The following UTRN variants were observed in gnomAD, a reference collection of about 807,000 sequenced individuals.
UTRN encodes utrophin, also known as dystrophin-related protein 1.
A neutral mutation model predicts 463.9 loss-of-function variants in UTRN; 283 were observed. That is an observed-to-expected ratio of 0.61 (90% CI 0.55 to 0.67). The LOEUF is 0.67. Among genes scored for constraint, UTRN ranks in the 30% least tolerant of loss-of-function variants. The pLI is 0.00. For missense variants in UTRN, 3,922 were observed against 4,084.3 expected (o/e 0.96, Z 1.08); for synonymous variants, 1,442 against 1,431.5 (o/e 1.01, Z -0.17).
chr6:144,560,731 A>G (rs1799793106), intron 50 of UTRN, among the ~76,000 whole-genome samples: 1 of 152,164 alleles, frequency 6.6e-6, no homozygotes, highest in Admixed American at 6.6e-5. Context: ...ATCTAAAAAC[A>G]GCTTTGATAA....
intron 2 of UTRN, among the ~76,000 whole-genome samples, chr6:144,362,269 G>A (rs9484869): frequency 0.065 from 9,860 of 152,092 alleles, 1,069 homozygotes; most frequent in African/African-American, 0.22. Flanking sequence ...TAGGTGATGT[G>A]CCCGCCCATC....
intron 2 of UTRN, among the ~76,000 whole-genome samples, chr6:144,320,037 AGAGACGGGC>A (rs1775537334): frequency 6.6e-6 from 1 of 151,962 alleles, no homozygotes; most frequent in South Asian, 2.1e-4. Context: ...TATTTTTGGT[AGAGACGGGC>A]TTTCACCGTG....
intron 52 of UTRN, among the ~76,000 whole-genome samples, chr6:144,679,928 G>C (rs961639473): frequency 2.0e-5 from 3 of 152,146 alleles, no homozygotes; most frequent in Non-Finnish European, 4.4e-5. Context: ...CAATAGGTCA[G>C]CATTGGCCAA....
chr6:144,734,979 G>A (rs1044075714), intron 54 of UTRN, among the ~76,000 whole-genome samples: 7 of 151,740 alleles, frequency 4.6e-5, no homozygotes, highest in African/African-American at 1.7e-4. Context: ...TTTTTTCACT[G>A]CTGTATTTTG....
intron 53 of UTRN, chr6:144,708,550 T>A (rs1785326096): frequency 6.3e-6 from 2 of 319,758 alleles, no homozygotes; most frequent in South Asian, 4.4e-5. Context: ...CCTGTTTACA[T>A]GAAATTTACA....
At chr6:144,685,679 A>G (rs1782676631) in intron 52 of UTRN, among the ~76,000 whole-genome samples, 1 of 152,036 alleles carries the variant, frequency 6.6e-6, no homozygotes, top group East Asian at 1.9e-4. Context: ...GAAATGTCTA[A>G]TCATGTCATT....
At chr6:144,616,962 G>A (rs1806186224) in intron 51 of UTRN, among the ~76,000 whole-genome samples, 1 of 152,134 alleles carries the variant, frequency 6.6e-6, no homozygotes, top group African/African-American at 2.4e-5. Context: ...CTTTGCCTTT[G>A]AATCCGTGAG....
intron 71 of UTRN, 84 bp downstream of exon 71, chr6:144,836,625 G>A: frequency 1.9e-6 from 3 of 1,545,652 alleles, no homozygotes; most frequent in Non-Finnish European, 2.6e-6. Context: ...TGTCAGGAGA[G>A]GCAGAGAAGT....
intron 25 of UTRN, among the ~76,000 whole-genome samples, chr6:144,476,467 GA>G (rs1791217633): frequency 6.6e-6 from 1 of 152,112 alleles, no homozygotes; most frequent in African/African-American, 2.4e-5. Flanking sequence ...AAGAAAAAGT[GA>G]ATGGTCAAGG....
At chr6:144,311,700 A>T (rs1806285265) in intron 2 of UTRN, 2 of 152,206 alleles carry the variant, frequency 1.3e-5, no homozygotes, top group Admixed American at 1.3e-4. Flanking sequence ...GTGTTCTAGT[A>T]CCTTCTTCCT....
chr6:144,607,270 T>C (rs1804954662), intron 51 of UTRN, among the ~76,000 whole-genome samples: 1 of 152,216 alleles, frequency 6.6e-6, no homozygotes, highest in Non-Finnish European at 1.5e-5. Context: ...TGGGAGATAG[T>C]GTGTACTGTG....
chr6:144,824,572 T>TTATATA (rs71028314), intron 66 of UTRN, among the ~76,000 whole-genome samples: 1,422 of 37,598 alleles, frequency 0.038, 53 homozygotes, highest in Non-Finnish European at 0.053. Context: ...AGCATTTTAT[T>TTATATA]TATATATATA....
At chr6:144,395,689 T>C (rs990744171) in intron 2 of UTRN, among the ~76,000 whole-genome samples, 3 of 152,296 alleles carry the variant, frequency 2.0e-5, no homozygotes, top group East Asian at 1.9e-4. Flanking sequence ...TTTGGCAATA[T>C]GGTGTGGATT....
intron 2 of UTRN, among the ~76,000 whole-genome samples, chr6:144,356,030 G>A (rs1415419376): frequency 1.3e-5 from 2 of 152,174 alleles, no homozygotes; most frequent in African/African-American, 4.8e-5. Flanking sequence ...ACCAATTCTT[G>A]TGAGAATGAT....
intron 2 of UTRN, among the ~76,000 whole-genome samples, chr6:144,391,380 A>G (rs1018787575): frequency 1.3e-5 from 2 of 152,102 alleles, no homozygotes; most frequent in Non-Finnish European, 2.9e-5. Flanking sequence ...CCCAGTTCTT[A>G]TTATGTCAGT....
chr6:144,360,370 A>G (rs1242998461), intron 2 of UTRN, among the ~76,000 whole-genome samples: 1 of 151,986 alleles, frequency 6.6e-6, no homozygotes, highest in East Asian at 1.9e-4. Context: ...ACGGGGTTTC[A>G]CCATGTTGGC....
intron 51 of UTRN, among the ~76,000 whole-genome samples, chr6:144,632,042 T>C (rs1467397166): frequency 1.3e-5 from 2 of 152,170 alleles, no homozygotes; most frequent in Admixed American, 6.5e-5. Context: ...TGTAAAGACA[T>C]TTATTAGAAC....
intron 51 of UTRN, among the ~76,000 whole-genome samples, chr6:144,657,302 A>G (rs1779419964): frequency 1.3e-5 from 2 of 151,872 alleles, no homozygotes; most frequent in South Asian, 2.1e-4. Flanking sequence ...AGATTTGTCA[A>G]TATCTTAGTT....
chr6:144,380,867 A>G (rs900550400), intron 2 of UTRN, among the ~76,000 whole-genome samples: 1 of 152,202 alleles, frequency 6.6e-6, no homozygotes, highest in Non-Finnish European at 1.5e-5. Context: ...GGCAGCCAAG[A>G]CAAAATGATA....
Sources: allele counts gnomAD v4.1 joint callset (sites outside exome capture counted in the v4.1 genomes callset), GRCh38; gene constraint gnomAD v4.1.1; transcripts MANE v1.5; gene names NCBI Gene and HGNC (gene_info 2026-07-23, HGNC 2026-07-21).